Variants in ADAMTSL1 observed in about 807,000 individuals in gnomAD.
ADAMTSL1 encodes ADAMTS like 1.
ADAMTSL1 carries 126 observed loss-of-function variants against 201.8 expected under a neutral mutation model. The ratio of observed to expected loss-of-function variants is 0.62; its 90% confidence interval spans 0.54 to 0.72. The LOEUF (loss-of-function observed/expected upper bound fraction) is 0.72, where lower values mean the gene tolerates loss of function less well. ADAMTSL1 is among the 30% of genes least tolerant of loss of function. The probability of loss-of-function intolerance (pLI) is 0.00; values close to 1 mark genes in which losing one functional copy is unlikely to be tolerated. For missense variants in ADAMTSL1, 2,679 were observed against 2,277.8 expected (o/e 1.18, Z -3.59); for synonymous variants, 1,121 against 903.4 (o/e 1.24, Z -4.32).
chr9:17,983,690 G>T (rs1172565106), intron 1 of ADAMTSL1, among the ~76,000 whole-genome samples: 1 of 152,108 alleles, frequency 6.6e-6, no homozygotes, highest in Non-Finnish European at 1.5e-5. Flanking sequence ...TTGGCTACAT[G>T]TATAGACAGA....
intron 2 of ADAMTSL1, among the ~76,000 whole-genome samples, chr9:18,431,357 G>C (rs1819481729): frequency 6.6e-6 from 1 of 152,204 alleles, no homozygotes. Flanking sequence ...GAAACTAAAA[G>C]TGTATCAGTG....
rs1818747702 is a variant in ADAMTSL1 at position 17,982,511 on chromosome 9, C to G, written c.87+75589C>G. Among the ~76,000 whole-genome samples the G allele has an allele frequency of 2.0e-5, 3 of 152,216 alleles. No individual in the cohort carries two copies. The South Asian group carries it at 6.2e-4, about 32-fold the overall frequency. On this transcript the variant is annotated intron_variant, in intron 1 of 29. Transcript: ENST00000680146. ...CTTGTAGTCCCATCTACTCAGGAGG[C>G]TGAGGCAGGAGAATTGCTTGAACCC... is the stretch of plus-strand genomic sequence containing the variant.
At chr9:18,642,513 G>A (rs561505490) in intron 7 of ADAMTSL1, among the ~76,000 whole-genome samples, 1 of 151,726 alleles carries the variant, frequency 6.6e-6, no homozygotes, top group East Asian at 1.9e-4. Flanking sequence ...CCGTGTTGTA[G>A]GTAGATCTCC....
At chr9:18,737,319 CAAAAAAAAA>C (rs59511409) in intron 15 of ADAMTSL1, among the ~76,000 whole-genome samples, 6 of 53,676 alleles carry the variant, frequency 1.1e-4, no homozygotes, top group African/African-American at 1.5e-4. Flanking sequence ...AACTCTGTCT[CAAAAAAAAA>C]AAAAAAAAAA....
rs373845761 is a variant in ADAMTSL1, at chr9:18,902,159, T to C, written c.4852-3623T>C. ...TTGATGGGAGAAATAATTAGTTCTA[T>C]AATAGAAACTTCAGAAACCCACTTT... On this transcript the variant is annotated intron_variant, in intron 26 of 28. Coordinates refer to ENST00000380548, the MANE Select transcript of ADAMTSL1 (RefSeq NM_001040272.6). Among the ~76,000 whole-genome samples, 6 of 152,298 alleles carry C rather than the reference T, an allele frequency of 3.9e-5. 1 individual carries two copies. Among genetic ancestry groups the C allele is most frequent in the Admixed American group, 2.6e-4 (4 of 15,304 alleles).
intron 2 of ADAMTSL1, among the ~76,000 whole-genome samples, chr9:18,448,044 T>A (rs1458567062): frequency 6.6e-6 from 1 of 151,842 alleles, no homozygotes; most frequent in African/African-American, 2.4e-5. Flanking sequence ...TCTCTCTCTC[T>A]CTCTCTGCCA....
chr9:18,271,572 A>C (rs13293269), intron 2 of ADAMTSL1, among the ~76,000 whole-genome samples: 12,376 of 152,064 alleles, frequency 0.081, 590 homozygotes, highest in African/African-American at 0.12. Context: ...ATCCAGTCTA[A>C]CATTGTTGGA....
At chr9:18,370,602 A>T (rs548995199) in intron 2 of ADAMTSL1, among the ~76,000 whole-genome samples, 9 of 151,400 alleles carry the variant, frequency 5.9e-5, no homozygotes, top group African/African-American at 2.2e-4. Flanking sequence ...CCTTCATTTT[A>T]TTTATCATTA....
chr9:18,574,086 T>C lies in ADAMTSL1; in HGVS notation c.294T>C (p.Asp98=), dbSNP rs746920712. The C allele has an allele frequency of 5.0e-6, 8 of 1,614,158 alleles. No individual in the cohort carries two copies. Among genetic ancestry groups the C allele is most frequent in the Non-Finnish European group, 6.8e-6 (8 of 1,180,014 alleles). The part of the protein sequence containing the change: ...FRAQQCSAHN[D]VKHHGQFYEW... ...CTCAGCAATGCTCAGCTCATAATGATGTCAAGCACCATGGCCAGTTTTATG... is the reference window on the plus strand; with the variant it reads ...CTCAGCAATGCTCAGCTCATAATGACGTCAAGCACCATGGCCAGTTTTATG... The change falls in exon 4 of 29, where the codon GAT becomes GAC. Residue 98 remains aspartate, a synonymous_variant. Coordinates refer to ENST00000380548, the MANE Select transcript of ADAMTSL1 (RefSeq NM_001040272.6).
Position 18,892,541 on chromosome 9 carries a change from C to T in ADAMTSL1, c.4796C>T (p.Thr1599Ile). Residue 1599 changes from threonine to isoleucine, a missense_variant, in exon 26 of 29, where the codon ACC becomes ATC. Coordinates refer to ENST00000380548, the MANE Select transcript of ADAMTSL1 (RefSeq NM_001040272.6). ...CAGGTCGCCAAGCGGCCTGTGGACACCCAGGCCTGTAACCAGCAGCTGTGT... is the reference window on the plus strand; with the variant it reads ...CAGGTCGCCAAGCGGCCTGTGGACATCCAGGCCTGTAACCAGCAGCTGTGT... The part of the protein sequence containing the change: ...CTQVAKRPVD[T>I]QACNQQLCVE... 1 of 1,584,266 alleles carries T rather than the reference C, an allele frequency of 6.3e-7. No individual in the cohort carries two copies. Among genetic ancestry groups the T allele is most frequent in the South Asian group, 1.2e-5 (1 of 86,798 alleles).
rs1563833675 is a variant in ADAMTSL1 at position 18,826,313 on chromosome 9, AG to A, written c.3966del (p.Asn1323IlefsTer40). On this transcript the variant is annotated frameshift_variant, in exon 22 of 29. Coordinates refer to ENST00000380548, the MANE Select transcript of ADAMTSL1 (RefSeq NM_001040272.6). LOFTEE classifies it high-confidence loss of function. The part of the protein sequence containing the change: ...GVPEAEVTWF[R>X]NKSKLGSPHH... ...GCCTGAAGCTGAAGTCACTTGGTTC[AG>A]GAATAAAAGCAAACTGGGCTCCCCG... 6.2e-7 allele frequency: 1 copy of A among 1,612,598 alleles called. No homozygotes were observed. The highest frequency in any genetic ancestry group is 1.7e-5 in the Admixed American group (1 of 59,846).
At chr9:17,971,732 C>T (rs1238384062) in intron 1 of ADAMTSL1, among the ~76,000 whole-genome samples, 1 of 151,742 alleles carries the variant, frequency 6.6e-6, no homozygotes, top group East Asian at 1.9e-4. Flanking sequence ...AGTTCTTCTG[C>T]CTGTACACTT....
chr9:18,375,289 C>T (rs1450597571), intron 2 of ADAMTSL1, among the ~76,000 whole-genome samples: 2 of 152,166 alleles, frequency 1.3e-5, no homozygotes, highest in Admixed American at 6.5e-5. Flanking sequence ...TGGATTATTA[C>T]CTCAGTCATA....
Position 18,114,681 on chromosome 9 carries a change from A to G in ADAMTSL1, c.88-49181A>G, listed in dbSNP as rs138226171. 2.5e-3 allele frequency among the ~76,000 whole-genome samples: 376 copies of G among 152,306 alleles called. 3 individuals are homozygous for G. Among genetic ancestry groups the G allele is most frequent in the African/African-American group, 8.6e-3 (356 of 41,586 alleles). ...CTCAAAATATTAAGAGAAAAAAACA[A>G]AAGAAGATTCATGTTAAATCCCTTG... is the stretch of plus-strand genomic sequence containing the variant. On this transcript the variant is annotated intron_variant, in intron 1 of 29. Transcript: ENST00000680146.
rs181497223 is a variant in ADAMTSL1 at position 18,669,065 on chromosome 9, G to A, written c.1086-6792G>A. Reference sequence around the variant, plus strand: ...CAAATCCCACAGTCATCCTTGTTCTGCATAATGCCTTAAGCAACCTATGAG... The same window carrying A: ...CAAATCCCACAGTCATCCTTGTTCTACATAATGCCTTAAGCAACCTATGAG... On this transcript the variant is annotated intron_variant, in intron 9 of 28. Coordinates refer to ENST00000380548, the MANE Select transcript of ADAMTSL1 (RefSeq NM_001040272.6). Among the ~76,000 whole-genome samples the A allele has an allele frequency of 2.4e-3, 373 of 152,316 alleles. 2 individuals carry two copies. The highest frequency in any genetic ancestry group is 4.2e-3 in the Non-Finnish European group (284 of 68,028).
At chr9:18,064,954 A>T (rs1033108578) in intron 1 of ADAMTSL1, among the ~76,000 whole-genome samples, 2 of 69,024 alleles carry the variant, frequency 2.9e-5, no homozygotes, top group Non-Finnish European at 2.6e-5. Context: ...TTTGCTAAAG[A>T]TTTTTTTTTT....
chr9:18,666,529 T>C (rs1449349153), intron 9 of ADAMTSL1, among the ~76,000 whole-genome samples: 1 of 152,146 alleles, frequency 6.6e-6, no homozygotes, highest in East Asian at 1.9e-4. Flanking sequence ...CTTCATACAT[T>C]TAACACTATG....
rs537138598 is a variant in ADAMTSL1 at position 18,707,158 on chromosome 9, G to C, written c.1876+110G>C. ...TCAAATCCAAGAATGATAAGCAGGAGGAGGAGGGGAGGCAGCCATTCTAAA... is the reference window on the plus strand; with the variant it reads ...TCAAATCCAAGAATGATAAGCAGGACGAGGAGGGGAGGCAGCCATTCTAAA... On this transcript the variant is annotated intron_variant, in intron 14 of 28. Coordinates refer to ENST00000380548, the MANE Select transcript of ADAMTSL1 (RefSeq NM_001040272.6). The C allele has an allele frequency of 1.1e-4, 140 of 1,324,322 alleles. 3 individuals are homozygous for C. In the South Asian group the frequency reaches 1.1e-3, roughly 10 times the overall value. The allele number at this position is 1,324,322 out of a possible 1,614,324, so 82.0% of individuals were successfully genotyped here. A position where few individuals can be genotyped will look rare whatever the true frequency, so the allele number is the denominator to read the frequency against.
At chr9:18,036,565 G>T (rs1016729486) in intron 1 of ADAMTSL1, among the ~76,000 whole-genome samples, 1 of 152,178 alleles carries the variant, frequency 6.6e-6, no homozygotes, top group East Asian at 1.9e-4. Context: ...ATACCTTGTT[G>T]TTTAAGTAAT....
Sources: allele counts gnomAD v4.1 joint callset (sites outside exome capture counted in the v4.1 genomes callset), GRCh38; gene constraint gnomAD v4.1.1; transcripts MANE v1.5; gene names NCBI Gene and HGNC (gene_info 2026-07-23, HGNC 2026-07-21).